Variants in LCTL observed in about 807,000 individuals in gnomAD.
The protein encoded by LCTL is lactase like.
LCTL carries 76 observed loss-of-function variants against 75.8 expected under a neutral mutation model. The ratio of observed to expected loss-of-function variants is 1.00; its 90% CI spans 0.83 to 1.21. The LOEUF (loss-of-function observed/expected upper bound fraction) is 1.21, where lower values mean the gene tolerates loss of function less well. Ranked by LOEUF, LCTL falls within the 50% of genes most tolerant of loss-of-function variation. The pLI, the probability that LCTL is intolerant of heterozygous loss-of-function variation, is 0.00. For synonymous variants in LCTL, 271 were observed against 268.8 expected, an observed-to-expected ratio of 1.01 and a Z score of -0.08; for missense variants, 670 against 712.4, an observed-to-expected ratio of 0.94 and a Z score of 0.68.
chr15:66,555,354 G>A (rs1001629308), intron 8 of LCTL, among the ~76,000 whole-genome samples: 2 of 145,606 alleles, frequency 1.4e-5, no homozygotes, highest in Admixed American at 6.9e-5. Context: ...CCAAAGTTTC[G>A]AACATGGTGA....
chr15:66,554,500 G>C (rs760163339), intron 8 of LCTL, among the ~76,000 whole-genome samples: 2 of 152,106 alleles, frequency 1.3e-5, no homozygotes, highest in Non-Finnish European at 2.9e-5. Flanking sequence ...AGCTGCCTTT[G>C]GGAAGGGAAC....
intron 12 of LCTL, 68 bp from the exon 14 acceptor site, chr15:66,548,673 C>T: frequency 1.3e-6 from 1 of 795,198 alleles, no homozygotes. Context: ...CAGCTTTATC[C>T]CAAAAGCTTT....
At chr15:66,548,300 T>C (rs942381134) in exon 13 of LCTL, 1 of 263,876 alleles carries the variant, frequency 3.8e-6, no homozygotes, top group Admixed American at 5.1e-5. Context: ...ATTACAAGTG[T>C]TTTTTTTTTT....
At chr15:66,549,615 T>G (rs1384400638) in intron 12 of LCTL, 1 of 154,100 alleles carries the variant, frequency 6.5e-6, no homozygotes, top group African/African-American at 2.4e-5. Flanking sequence ...TTCCTGGCTA[T>G]ATCTCATGAC....
intron 4 of LCTL, among the ~76,000 whole-genome samples, chr15:66,561,979 A>C (rs937428483): frequency 6.6e-5 from 10 of 151,728 alleles, no homozygotes; most frequent in African/African-American, 2.4e-4. Flanking sequence ...CCAAATTCTA[A>C]CTGAACCGAA....
chr15:66,563,547 A>C (rs755503552), exon 4 of LCTL: 1 of 1,612,238 alleles, frequency 6.2e-7, no homozygotes, highest in South Asian at 1.1e-5. Context: ...CAAGGTCACG[A>C]TGGGAGTGAT....
intron 8 of LCTL, among the ~76,000 whole-genome samples, 167 bp downstream of exon 9, chr15:66,557,555 C>T (rs944516893): frequency 1.3e-5 from 2 of 152,088 alleles, no homozygotes; most frequent in African/African-American, 2.4e-5. Flanking sequence ...TCTAGGGTTC[C>T]TCCCTGCCAA....
intron 11 of LCTL, 31 bp downstream of exon 12, chr15:66,551,631 C>G: frequency 1.3e-6 from 2 of 1,570,258 alleles, no homozygotes; most frequent in East Asian, 2.2e-5. Context: ...TCCTAAAGTT[C>G]AGAACAGATA....
chr15:66,558,057 C>A, intron 6 of LCTL, 21 bp from the exon 8 acceptor site: 1 of 1,590,988 alleles, frequency 6.3e-7, no homozygotes, highest in Non-Finnish European at 8.6e-7. Flanking sequence ...AGCAGAAATT[C>A]ATCGTAGGTA....
intron 8 of LCTL, among the ~76,000 whole-genome samples, chr15:66,555,399 AGCATGATGGCAGGT>A (rs951108158): frequency 1.3e-5 from 2 of 151,844 alleles, no homozygotes; most frequent in African/African-American, 4.8e-5. Flanking sequence ...AAATTAGCTG[AGCATGATGGCAGGT>A]GCCTGTAATC....
exon 4 of LCTL, chr15:66,563,612 G>A: frequency 6.2e-7 from 1 of 1,608,616 alleles, no homozygotes; most frequent in Non-Finnish European, 8.5e-7. Context: ...TTCCCTTCTT[G>A]TTCACCTGCT....
At chr15:66,556,536 C>T (rs531885622) in intron 8 of LCTL, among the ~76,000 whole-genome samples, 2 of 152,304 alleles carry the variant, frequency 1.3e-5, no homozygotes, top group East Asian at 3.9e-4. Context: ...AACTCCTGAC[C>T]TCAGGTGATC....
intron 11 of LCTL, among the ~76,000 whole-genome samples, chr15:66,550,768 C>T (rs949249271): frequency 3.3e-5 from 5 of 152,094 alleles, no homozygotes; most frequent in African/African-American, 4.8e-5. Context: ...CATGAGCCAC[C>T]GTACCTGGCC....
chr15:66,564,916 C>T lies in LCTL; in HGVS notation c.119-77G>A, dbSNP rs549299771. ...AGCCAGGACTCTGGGCTGTGCCTCC[C>T]AGGCCTCAGGGACTGCCCCTCCCTA... is the stretch of plus-strand genomic sequence containing the variant. On this transcript the variant is annotated intron_variant, in intron 1 of 12. Coordinates refer to ENST00000341509, the Ensembl canonical transcript of LCTL. The T allele has an allele frequency of 7.2e-5, 102 of 1,418,580 alleles. No homozygotes were observed. In the South Asian group the frequency reaches 1.2e-3, roughly 17 times the overall value. 87.9% of individuals were successfully genotyped at this position (1,418,580 alleles called of 1,614,324 possible).
intron 4 of LCTL, 45 bp from the exon 6 acceptor site, chr15:66,561,360 C>T (rs763639428): frequency 3.7e-6 from 6 of 1,611,716 alleles, no homozygotes; most frequent in South Asian, 2.2e-5. Context: ...AACCGCAAAG[C>T]GGTTTAAATG....
chr15:66,548,347 C>T, exon 13 of LCTL: 3 of 446,478 alleles, frequency 6.7e-6, no homozygotes, highest in Admixed American at 3.5e-5. Context: ...TTCTTAAATC[C>T]CAGCACAAGC....
At chr15:66,562,260 G>A (rs931034219) in intron 4 of LCTL, among the ~76,000 whole-genome samples, 8 of 151,952 alleles carry the variant, frequency 5.3e-5, no homozygotes, top group African/African-American at 1.5e-4. Context: ...AAAATTAGCC[G>A]GGCGTGGTGG....
At chr15:66,553,772 A>G (rs919414376) in intron 8 of LCTL, among the ~76,000 whole-genome samples, 18 of 151,258 alleles carry the variant, frequency 1.2e-4, no homozygotes, top group Admixed American at 5.3e-4. Flanking sequence ...AAAAAAAAAA[A>G]GTTGTATTTT....
upstream of LCTL, chr15:66,565,543 C>A: frequency 1.8e-6 from 1 of 566,186 alleles, no homozygotes; most frequent in Non-Finnish European, 3.1e-6. Context: ...ATGCTGTTTC[C>A]GTGCCTGGGG....
Sources: allele counts gnomAD v4.1 joint callset (sites outside exome capture counted in the v4.1 genomes callset), GRCh38; gene constraint gnomAD v4.1.1; transcripts MANE v1.5; gene names NCBI Gene and HGNC (gene_info 2026-07-23, HGNC 2026-07-21).